The following BACE1 variants were observed in gnomAD, a reference collection of about 807,000 sequenced individuals.
BACE1 encodes APP beta-secretase.
In BACE1, 21 loss-of-function variants were observed where a neutral mutation model predicts 54.0. The ratio of observed to expected loss-of-function variants is 0.39; its 90% confidence interval spans 0.28 to 0.56. The LOEUF (loss-of-function observed/expected upper bound fraction) is 0.56, where lower values mean the gene tolerates loss of function less well. BACE1 is among the 20% of genes least tolerant of loss of function. The pLI, the probability that BACE1 is intolerant of heterozygous loss-of-function variation, is 0.63. For synonymous variants in BACE1, 232 were observed against 260.9 expected, an observed-to-expected ratio of 0.89 and a Z score of 1.07; for missense variants, 511 against 661.2, an observed-to-expected ratio of 0.77 and a Z score of 2.49.
In BACE1 at chr11:117,307,881, T is replaced by C. The variant is rs1000073886; in HGVS notation, c.261+7654A>G. On this transcript the variant is annotated intron_variant, in intron 1 of 8. Coordinates refer to ENST00000313005, the MANE Select transcript of BACE1 (RefSeq NM_012104.6). ...TGGCAGGGACTGGGTAGGCAACTTA[T>C]GGAGCCGGGGTCTTGCTGGCTTTGT... Among the ~76,000 whole-genome samples, 6 of 152,194 alleles carry C rather than the reference T, an allele frequency of 3.9e-5. 1 individual carries two copies. Among genetic ancestry groups the C allele is most frequent in the Admixed American group, 6.5e-5 (1 of 15,284 alleles).
chr11:117,312,876 G>C (rs564921183), intron 1 of BACE1, among the ~76,000 whole-genome samples: 1 of 152,302 alleles, frequency 6.6e-6, no homozygotes, highest in South Asian at 2.1e-4. Context: ...ACTCCAATGA[G>C]GGTTTGCCGA....
At chr11:117,292,908 C>A (rs2034486315) in intron 5 of BACE1, 146 bp downstream of exon 5, 5 of 943,016 alleles carry the variant, frequency 5.3e-6, no homozygotes, top group Non-Finnish European at 7.9e-6. Context: ...GACCATTAAG[C>A]CCCTGACTGT....
chr11:117,303,163 G>A (rs2034760858), intron 1 of BACE1, among the ~76,000 whole-genome samples: 1 of 152,112 alleles, frequency 6.6e-6, no homozygotes, highest in Admixed American at 6.5e-5. Flanking sequence ...CTCTAGCTTA[G>A]ACCTGCCTTC....
intron 6 of BACE1, among the ~76,000 whole-genome samples, chr11:117,291,434 C>T (rs774866284): frequency 5.3e-5 from 8 of 152,210 alleles, no homozygotes; most frequent in Non-Finnish European, 1.0e-4. Flanking sequence ...TGCGCCACCA[C>T]ACCCAGCTAA....
rs759223338 is a variant in BACE1 at position 117,291,736 on chromosome 11, G to C, written c.918C>G (p.Val306=). 22 of 1,613,146 alleles carry C rather than the reference G, an allele frequency of 1.4e-5. No homozygotes were observed. The highest frequency in any genetic ancestry group is 1.9e-5 in the Non-Finnish European group (22 of 1,179,392). ...CGGAGGAGGCTGCCTTGATGGATTT[G>C]ACTGCAGCTTCAAACACTTTCTTGG... ...RLPKKVFEAA[V]KSIKAASSTE... is the part of the protein sequence containing the mutation. Residue 306 remains valine (V), a synonymous_variant, in exon 6 of 9, where the codon GTC becomes GTG. Transcript: ENST00000313005.
chr11:117,294,867 A>G lies in BACE1; in HGVS notation c.567+264T>C, dbSNP rs1591857883. On this transcript the variant is annotated intron_variant, in intron 3 of 8. Coordinates refer to ENST00000313005, the MANE Select transcript of BACE1 (RefSeq NM_012104.6). ...ACCATTGCACTCCAGCTTGGGCAAC[A>G]AGAGTGAAACTCCGTCTCAAAAAAA... 4.6e-5 allele frequency among the ~76,000 whole-genome samples: 7 copies of G among 152,014 alleles called. 1 individual carries two copies. In the South Asian group the frequency reaches 1.5e-3, roughly 32 times the overall value.
At chr11:117,294,705 G>A (rs1426552589) in intron 3 of BACE1, among the ~76,000 whole-genome samples, 1 of 151,536 alleles carries the variant, frequency 6.6e-6, no homozygotes, top group African/African-American at 2.4e-5. Flanking sequence ...CTAACATGAT[G>A]AAACCCCATT....
chr11:117,307,934 C>T (rs184146120), intron 1 of BACE1, among the ~76,000 whole-genome samples: 8 of 151,814 alleles, frequency 5.3e-5, no homozygotes, highest in African/African-American at 7.3e-5. Context: ...TCTTTGAGCT[C>T]GATGGTTTTC....
In BACE1 at chr11:117,315,059, G is replaced by T. The variant is rs554466073; in HGVS notation, c.261+476C>A. ...GTGGCAGCCCAGATGGTGGGAGCAA[G>T]GTGCTTATTCAACTGCTGCCAGGAT... is the stretch of plus-strand genomic sequence containing the variant. On this transcript the variant is annotated intron_variant, in intron 1 of 8. Transcript: ENST00000313005. The surrounding 1 kb of genome is among the most constrained non-coding windows in gnomAD (Gnocchi z 5.5). Among the ~76,000 whole-genome samples the T allele has an allele frequency of 2.0e-4, 31 of 152,288 alleles. No homozygotes were observed. Among genetic ancestry groups the T allele is most frequent in the African/African-American group, 7.5e-4 (31 of 41,570 alleles).
intron 1 of BACE1, among the ~76,000 whole-genome samples, chr11:117,308,606 T>C (rs1455451101): frequency 2.6e-5 from 4 of 152,202 alleles, no homozygotes; most frequent in African/African-American, 9.7e-5. Flanking sequence ...TGCTAATACC[T>C]ATCCCTTATA....
intron 1 of BACE1, among the ~76,000 whole-genome samples, chr11:117,307,487 T>C (rs144405671): frequency 9.3e-4 from 142 of 152,248 alleles, no homozygotes; most frequent in African/African-American, 2.1e-3. Context: ...AATTTTTGTA[T>C]TTTTGGTAGA....
intron 8 of BACE1, 26 bp from the exon 9 acceptor site, chr11:117,289,833 A>G: frequency 5.0e-6 from 8 of 1,596,340 alleles, no homozygotes; most frequent in Non-Finnish European, 6.9e-6. Context: ...ATGTGAATGG[A>G]CAGCTCTCAT....
At chr11:117,314,295 A>C (rs531957910) in intron 1 of BACE1, among the ~76,000 whole-genome samples, 95 of 152,312 alleles carry the variant, frequency 6.2e-4, no homozygotes, top group African/African-American at 2.0e-3. Flanking sequence ...TATGGTGCAC[A>C]GGAAAGAGGA....
Position 117,287,813 on chromosome 11 carries a change from C to G in BACE1, c.*1753G>C, listed in dbSNP as rs942661424. 2.6e-5 allele frequency: 4 copies of G among 152,652 alleles called. No homozygotes were observed. Among genetic ancestry groups the G allele is most frequent in the African/African-American group, 9.6e-5 (4 of 41,460 alleles). The allele number at this position is 152,652 out of a possible 1,614,324, so 9.5% of individuals were successfully genotyped here. A position where few individuals can be genotyped will look rare whatever the true frequency, so the allele number is the denominator to read the frequency against. ...GAAGAGAACCCAGATAAAAAACTGA[C>G]TCAGTATTCTTGTTTTATTGGTTTA... On this transcript the variant is annotated 3_prime_UTR_variant, in exon 9 of 9. Transcript: ENST00000313005.
At chr11:117,297,838 G>A (rs1234098206) in intron 1 of BACE1, among the ~76,000 whole-genome samples, 2 of 152,244 alleles carry the variant, frequency 1.3e-5, no homozygotes, top group East Asian at 3.8e-4. Context: ...GAGAAAGCCA[G>A]GTTGCATCAA....
At chr11:117,294,274 T>C (rs1352451609) in intron 3 of BACE1, 1 of 243,604 alleles carries the variant, frequency 4.1e-6, no homozygotes. Flanking sequence ...TGGAGTGCAA[T>C]GTTACGATCT....
At chr11:117,308,498 C>T (rs1049372197) in intron 1 of BACE1, among the ~76,000 whole-genome samples, 3 of 152,118 alleles carry the variant, frequency 2.0e-5, no homozygotes, top group East Asian at 1.9e-4. Flanking sequence ...GGAAAGGCCC[C>T]GGTATTTGAA....
chr11:117,292,845 G>GTTT, intron 5 of BACE1: 3 of 504,306 alleles, frequency 5.9e-6, no homozygotes, highest in South Asian at 5.6e-5. Flanking sequence ...CTAGTTCCAT[G>GTTT]TTTTTTTTTT....
At position 117,315,400 on chromosome 11, in the gene BACE1, G is replaced by A. The variant is rs779193931; in HGVS notation, c.261+135C>T. On this transcript the variant is annotated intron_variant, in intron 1 of 8. Transcript: ENST00000313005. This position sits in a 1 kb window ranked among gnomAD's most constrained non-coding sequence, Gnocchi z 5.5. ...TTCTGCCAACAACCACGTGACCCCC[G>A]GGGAATGGCTGGGGAGGGGTCCCTC... 2.4e-6 allele frequency: 3 copies of A among 1,241,416 alleles called. No individual in the cohort carries two copies. The highest frequency in any genetic ancestry group is 3.2e-6 in the Non-Finnish European group (3 of 928,152). 76.9% of individuals were successfully genotyped at this position (1,241,416 alleles called of 1,614,324 possible).
Sources: allele counts gnomAD v4.1 joint callset (sites outside exome capture counted in the v4.1 genomes callset), GRCh38; gene constraint gnomAD v4.1.1; non-coding constraint Gnocchi (gnomAD v3.1); transcripts MANE v1.5; gene names NCBI Gene and HGNC (gene_info 2026-07-23, HGNC 2026-07-21).